ANKRD44: variants seen among roughly 807,000 people sequenced by gnomAD.
ANKRD44 encodes the protein serine/threonine-protein phosphatase 6 regulatory ankyrin repeat subunit B.
Under a neutral mutation model 116.0 loss-of-function variants are expected in ANKRD44, and 35 were observed. The ratio of observed to expected loss-of-function variants is 0.30; its 90% CI spans 0.23 to 0.40. The LOEUF (loss-of-function observed/expected upper bound fraction) is 0.40, where lower values mean the gene tolerates loss of function less well. Among genes scored for constraint, ANKRD44 ranks in the 10% least tolerant of loss-of-function variants. The pLI is 1.00. For missense variants in ANKRD44, 1,014 were observed against 1,242.6 expected, an observed-to-expected ratio of 0.82 and a Z score of 2.77; for synonymous variants, 435 against 461.8, an observed-to-expected ratio of 0.94 and a Z score of 0.74.
chr2:196,968,345 G>A (rs2075690054), intron 21 of ANKRD44, among the ~76,000 whole-genome samples: 1 of 152,154 alleles, frequency 6.6e-6, no homozygotes, highest in African/African-American at 2.4e-5. Flanking sequence ...GTGTACCAAG[G>A]AGTTTATGTC....
intron 4 of ANKRD44, among the ~76,000 whole-genome samples, chr2:197,127,915 G>C (rs556230498): frequency 6.6e-6 from 1 of 152,130 alleles, no homozygotes; most frequent in African/African-American, 2.4e-5. Flanking sequence ...GAGGACGTGC[G>C]GTGTTTGGTT....
intron 1 of ANKRD44, among the ~76,000 whole-genome samples, chr2:197,278,297 T>A (rs994077307): frequency 9.0e-6 from 1 of 111,590 alleles, no homozygotes; most frequent in Non-Finnish European, 1.8e-5. Context: ...GAAATCCATC[T>A]TTTTTTCTGT....
At chr2:197,145,285 C>T (rs533422890) in intron 3 of ANKRD44, among the ~76,000 whole-genome samples, 47 of 125,126 alleles carry the variant, frequency 3.8e-4, no homozygotes, top group Admixed American at 7.3e-4. Flanking sequence ...AGCAAGACTC[C>T]GTCTCAAAAA....
At chr2:197,192,344 T>C (rs1438233777) in intron 1 of ANKRD44, among the ~76,000 whole-genome samples, 1 of 152,162 alleles carries the variant, frequency 6.6e-6, no homozygotes, top group African/African-American at 2.4e-5. Context: ...GTTTTTCTGA[T>C]TAGATCGGGA....
intron 2 of ANKRD44, among the ~76,000 whole-genome samples, chr2:197,154,925 C>T (rs1414405339): frequency 6.6e-6 from 1 of 152,048 alleles, no homozygotes; most frequent in East Asian, 1.9e-4. Context: ...ATATATTTCT[C>T]ATATAGAAAA....
chr2:197,167,870 A>G (rs2080134129), intron 2 of ANKRD44, among the ~76,000 whole-genome samples: 4 of 152,222 alleles, frequency 2.6e-5, no homozygotes, highest in Admixed American at 2.6e-4. Flanking sequence ...CCTAAGAGTG[A>G]GACTATCCCA....
intron 10 of ANKRD44, among the ~76,000 whole-genome samples, chr2:197,093,315 TGATATA>T (rs1407380140): frequency 6.6e-6 from 1 of 152,150 alleles, no homozygotes; most frequent in Non-Finnish European, 1.5e-5. Context: ...AGCAACAATA[TGATATA>T]TTCCATAAAC....
At chr2:197,029,118 A>G (rs914365178) in intron 16 of ANKRD44, 2 of 181,806 alleles carry the variant, frequency 1.1e-5, no homozygotes, top group African/African-American at 4.8e-5. Context: ...TCCTAATGCT[A>G]TCCCTACCCC....
At chr2:197,172,821 C>T (rs564540510) in intron 2 of ANKRD44, among the ~76,000 whole-genome samples, 2 of 152,284 alleles carry the variant, frequency 1.3e-5, no homozygotes, top group East Asian at 1.9e-4. Flanking sequence ...CCACCTTGGC[C>T]TCCCAAACTG....
At chr2:197,034,050 T>TGGAGAGAGAGAGAGAG (rs138837442) in intron 16 of ANKRD44, among the ~76,000 whole-genome samples, 1 of 110,578 alleles carries the variant, frequency 9.0e-6, no homozygotes, top group Non-Finnish European at 1.8e-5. Flanking sequence ...ATATGAGGGC[T>TGGAGAGAGAGAGAGAG]AGAGAGAGAG....
chr2:197,219,655 A>G (rs563180853), intron 1 of ANKRD44, among the ~76,000 whole-genome samples: 34 of 152,362 alleles, frequency 2.2e-4, no homozygotes, highest in East Asian at 1.9e-3. Flanking sequence ...CGGGACCCCA[A>G]TGAAAGGTTC....
chr2:197,276,002 G>A (rs576603624), intron 1 of ANKRD44, among the ~76,000 whole-genome samples: 2 of 152,202 alleles, frequency 1.3e-5, no homozygotes, highest in East Asian at 1.9e-4. Flanking sequence ...CTAGCCGGGC[G>A]CAGTGGCTCA....
At chr2:197,149,654 C>G (rs2079591474) in intron 2 of ANKRD44, among the ~76,000 whole-genome samples, 1 of 152,208 alleles carries the variant, frequency 6.6e-6, no homozygotes, top group Non-Finnish European at 1.5e-5. Flanking sequence ...GAAACAATCA[C>G]AAGTGCTATT....
intron 8 of ANKRD44, among the ~76,000 whole-genome samples, chr2:197,118,448 G>C (rs937115229): frequency 6.6e-6 from 1 of 151,702 alleles, no homozygotes; most frequent in Non-Finnish European, 1.5e-5. Flanking sequence ...AAATTAGCTG[G>C]GCATGGTGGC....
At chr2:197,072,939 TA>T (rs1466340084) in intron 16 of ANKRD44, among the ~76,000 whole-genome samples, 3 of 152,202 alleles carry the variant, frequency 2.0e-5, no homozygotes, top group Non-Finnish European at 2.9e-5. Flanking sequence ...CACTTTAGTT[TA>T]AAACATAACT....
At chr2:197,303,005 G>T (rs2083958639) in intron 1 of ANKRD44, among the ~76,000 whole-genome samples, 1 of 152,228 alleles carries the variant, frequency 6.6e-6, no homozygotes, top group Non-Finnish European at 1.5e-5. Context: ...CCTGTAAGAA[G>T]TTCAAGAGGA....
At chr2:197,150,305 T>C (rs1356264545) in intron 2 of ANKRD44, among the ~76,000 whole-genome samples, 1 of 152,092 alleles carries the variant, frequency 6.6e-6, no homozygotes, top group East Asian at 1.9e-4. Context: ...TCCCAGCACT[T>C]TGGGAGGCTG....
chr2:197,133,279 C>A (rs1187392365), intron 4 of ANKRD44, among the ~76,000 whole-genome samples: 2 of 152,204 alleles, frequency 1.3e-5, no homozygotes, highest in South Asian at 2.1e-4. Flanking sequence ...GTTAGACAGA[C>A]CTCAGTTCCA....
At chr2:197,256,414 T>C (rs2105698154) in intron 1 of ANKRD44, among the ~76,000 whole-genome samples, 1 of 152,322 alleles carries the variant, frequency 6.6e-6, no homozygotes, top group East Asian at 1.9e-4. Flanking sequence ...ATGTTCTCCA[T>C]ATACCAACGG....
Sources: allele counts gnomAD v4.1 joint callset (sites outside exome capture counted in the v4.1 genomes callset), GRCh38; gene constraint gnomAD v4.1.1; transcripts MANE v1.5; gene names NCBI Gene and HGNC (gene_info 2026-07-23, HGNC 2026-07-21).